The following MRPS33 variants were observed in gnomAD, a reference collection of about 807,000 sequenced individuals.
MRPS33 encodes small ribosomal subunit protein mS33.
Under a neutral mutation model 11.2 loss-of-function variants are expected in MRPS33, and 11 were observed. The observed-to-expected ratio is 0.99, with a 90% confidence interval of 0.62 to 1.63. The LOEUF is 1.63. Among genes scored for constraint, MRPS33 ranks in the 40% most tolerant of loss-of-function variants. The pLI is 0.00. For synonymous variants in MRPS33, 46 were observed against 44.0 expected (o/e 1.05, Z -0.18); for missense variants, 109 against 127.8 (o/e 0.85, Z 0.71).
rs1270442043 is a variant in MRPS33 at position 141,014,629 on chromosome 7, G to A, written c.-28+282C>T. On this transcript the variant is annotated intron_variant, in intron 1 of 2. Coordinates refer to ENST00000324787, the MANE Select transcript of MRPS33 (RefSeq NM_053035.3). ...TACAGTGCCGAAGGCCGTGTGATGA[G>A]CAGAGAAACTGAGCCTTCTACTGTT... 2.6e-5 allele frequency: 4 copies of A among 152,336 alleles called. No individual in the cohort carries two copies. In the East Asian group the frequency reaches 7.7e-4, roughly 29 times the overall value. 9.4% of individuals were successfully genotyped at this position (152,336 alleles called of 1,614,324 possible).
At chr7:141,009,434 ATC>A (rs1236365936) in intron 2 of MRPS33, among the ~76,000 whole-genome samples, 1 of 41,824 alleles carries the variant, frequency 2.4e-5, no homozygotes, top group Non-Finnish European at 4.7e-5. Flanking sequence ...GCCTGGCCTG[ATC>A]TTTTTTTTTT....
chr7:141,008,889 A>C (rs1337415767), intron 2 of MRPS33, among the ~76,000 whole-genome samples: 1 of 149,310 alleles, frequency 6.7e-6, no homozygotes, highest in Admixed American at 6.7e-5. Context: ...CTTCCTCCTG[A>C]GTTCAAGCGA....
At chr7:141,012,172 T>TAAAAAAAAA (rs1302725022) in intron 1 of MRPS33, among the ~76,000 whole-genome samples, 22 of 4,794 alleles carry the variant, frequency 4.6e-3, no homozygotes, top group Admixed American at 0.016. Context: ...AGATTGTGTG[T>TAAAAAAAAA]CAAAAAAAAA....
At chr7:141,008,014 T>G (rs926711747) in intron 2 of MRPS33, among the ~76,000 whole-genome samples, 3 of 152,208 alleles carry the variant, frequency 2.0e-5, no homozygotes, top group African/African-American at 7.2e-5. Context: ...TGATACAAGC[T>G]AGGTACCTGG....
chr7:141,006,478 C>T lies in MRPS33; in HGVS notation c.273G>A (p.Lys91=). 5 of 1,614,046 alleles carry T rather than the reference C, an allele frequency of 3.1e-6. No homozygotes were observed. Among genetic ancestry groups the T allele is most frequent in the Non-Finnish European group, 4.2e-6 (5 of 1,180,026 alleles). Residue 91 remains lysine, a synonymous_variant, in exon 3 of 3, where the codon AAG becomes AAA. Coordinates refer to ENST00000324787, the MANE Select transcript of MRPS33 (RefSeq NM_053035.3). ...TCCCTTCTCCTTTCTTTGGTTTCTC[C>T]TTTCCACGAAGCTTCTTTAGTCGTT... ...EQKRLKKLRG[K]EKPKKGEGKR...
intron 1 of MRPS33, among the ~76,000 whole-genome samples, chr7:141,011,996 C>CAAAAAACA (rs1246885308): frequency 1.3e-5 from 2 of 150,110 alleles, no homozygotes; most frequent in African/African-American, 2.5e-5. Context: ...GAAAAAAAAA[C>CAAAAAACA]AAAAAACAAA....
In MRPS33 at chr7:141,012,173, C is replaced by CAAAAAAAA. The variant is rs56343833; in HGVS notation, c.-27-1521_-27-1514dup. 4.1e-3 allele frequency among the ~76,000 whole-genome samples: 241 copies of CAAAAAAAA among 58,772 alleles called. 73 individuals carry two copies. The highest frequency in any genetic ancestry group is 0.014 in the Middle Eastern group (1 of 74). 38.6% of individuals were successfully genotyped at this position (58,772 alleles called of 152,430 possible). A position where few individuals can be genotyped will look rare whatever the true frequency, so the allele number is the denominator to read the frequency against. On this transcript the variant is annotated intron_variant, in intron 1 of 2. Coordinates refer to ENST00000324787, the MANE Select transcript of MRPS33 (RefSeq NM_053035.3). ...TGAGTGACAGAGCAAGATTGTGTGT[C>CAAAAAAAA]AAAAAAAAAAAAAAAAAAAAAGCAG...
intron 1 of MRPS33, among the ~76,000 whole-genome samples, chr7:141,011,657 C>T (rs2129165017): frequency 6.6e-6 from 1 of 152,028 alleles, no homozygotes; most frequent in African/African-American, 2.4e-5. Context: ...AGAGACTATC[C>T]TGGGAAACAG....
At position 141,012,387 on chromosome 7, in the gene MRPS33, C is replaced by T. The variant is rs1820697536; in HGVS notation, c.-27-1727G>A. On this transcript the variant is annotated intron_variant, in intron 1 of 2. Coordinates refer to ENST00000324787, the MANE Select transcript of MRPS33 (RefSeq NM_053035.3). ...CTTTTCCATTCAGCATTCTCAGTTT[C>T]CTGATTCACTTCTTTGCCAACTCTG... Among the ~76,000 whole-genome samples, 3 of 152,180 alleles carry T rather than the reference C, an allele frequency of 2.0e-5. No individual in the cohort carries two copies. The South Asian group carries it at 6.2e-4, about 32-fold the overall frequency.
chr7:141,013,309 G>A (rs1479076832), intron 1 of MRPS33, among the ~76,000 whole-genome samples: 1 of 152,168 alleles, frequency 6.6e-6, no homozygotes, highest in Non-Finnish European at 1.5e-5. Context: ...GCAAATTACT[G>A]GGATACATAA....
rs541247327 is a variant in MRPS33, at chr7:141,008,343, A to G, written c.216-1808T>C. 2.6e-5 allele frequency among the ~76,000 whole-genome samples: 4 copies of G among 152,340 alleles called. No individual in the cohort carries two copies. The South Asian group carries it at 8.3e-4, about 32-fold the overall frequency. ...TGGGTTATAATCTTCTCCTCAGGAT[A>G]TCTGCCTCCCAATATTTTATTTTGG... On this transcript the variant is annotated intron_variant, in intron 2 of 2. Coordinates refer to ENST00000324787, the MANE Select transcript of MRPS33 (RefSeq NM_053035.3).
intron 1 of MRPS33, among the ~76,000 whole-genome samples, chr7:141,011,989 A>AAAAAAC (rs1554441589): frequency 6.8e-6 from 1 of 146,372 alleles, no homozygotes; most frequent in South Asian, 2.2e-4. Flanking sequence ...TTTTACAGAA[A>AAAAAAC]AAAAAACAAA....
intron 1 of MRPS33, among the ~76,000 whole-genome samples, chr7:141,012,565 T>C (rs1820701656): frequency 6.6e-6 from 1 of 152,222 alleles, no homozygotes; most frequent in African/African-American, 2.4e-5. Flanking sequence ...CTTTTTCTCT[T>C]CCTTTGCCCT....
chr7:141,005,528 A>G lies in MRPS33; in HGVS notation c.*902T>C, dbSNP rs2129163960. The G allele has an allele frequency of 6.6e-6, 1 of 151,966 alleles. No homozygotes were observed. Among genetic ancestry groups the G allele is most frequent in the South Asian group, 2.1e-4 (1 of 4,800 alleles). The allele number at this position is 151,966 out of a possible 1,614,324, so 9.4% of individuals were successfully genotyped here. ...GCCACGACGCCCAGCTAATTTTTGC[A>G]TTTTTAGTAGGTGGGGTTTCACCAT... On this transcript the variant is annotated 3_prime_UTR_variant, in exon 3 of 3. Transcript: ENST00000324787.
intron 2 of MRPS33, 48 bp from the exon 3 acceptor site, chr7:141,006,583 A>G (rs781679241): frequency 6.8e-7 from 1 of 1,475,168 alleles, no homozygotes; most frequent in East Asian, 2.3e-5. Context: ...TTACGAGTAG[A>G]AAAGTACACT....
At chr7:141,006,647 T>C in intron 2 of MRPS33, 112 bp from the exon 3 acceptor site, 2 of 895,072 alleles carry the variant, frequency 2.2e-6, no homozygotes, top group East Asian at 2.5e-5. Context: ...CTTTGACTTT[T>C]ACAAGTTAGC....
Position 141,005,613 on chromosome 7 carries a change from G to A in MRPS33, c.*817C>T, listed in dbSNP as rs1820506579. ...GATCCACCCACCTCGGCCTCCCAAA[G>A]TGGTGGGATTACAGGTGTGAGCAAC... On this transcript the variant is annotated 3_prime_UTR_variant, in exon 3 of 3. Transcript: ENST00000324787. 6.6e-6 allele frequency: 1 copy of A among 152,210 alleles called. No homozygotes were observed. Among genetic ancestry groups the A allele is most frequent in the Non-Finnish European group, 1.5e-5 (1 of 68,052 alleles). 9.4% of individuals were successfully genotyped at this position (152,210 alleles called of 1,614,324 possible). A position where few individuals can be genotyped will look rare whatever the true frequency, so the allele number is the denominator to read the frequency against.
chr7:141,010,391 A>G, intron 2 of MRPS33, 28 bp downstream of exon 2: 3 of 1,609,162 alleles, frequency 1.9e-6, no homozygotes, highest in Non-Finnish European at 2.5e-6. Context: ...AAAGTCTCTC[A>G]TAGGTCCCTC....
In MRPS33 at chr7:141,006,421, G is replaced by A; in HGVS notation, c.*9C>T. 1.9e-6 allele frequency: 3 copies of A among 1,609,024 alleles called. No homozygotes were observed. Among genetic ancestry groups the A allele is most frequent in the Non-Finnish European group, 2.5e-6 (3 of 1,177,242 alleles). ...TGAGGAAGAAAGTCTCCCTCTTGAG[G>A]GACCAACACTATTTCCTTTTTGCTG... On this transcript the variant is annotated 3_prime_UTR_variant, in exon 3 of 3. Transcript: ENST00000324787.
Sources: allele counts gnomAD v4.1 joint callset (sites outside exome capture counted in the v4.1 genomes callset), GRCh38; gene constraint gnomAD v4.1.1; transcripts MANE v1.5; gene names NCBI Gene and HGNC (gene_info 2026-07-23, HGNC 2026-07-21).